Variants in GRAMD1C observed in about 807,000 individuals in gnomAD.
GRAMD1C encodes the protein GRAM domain containing 1C.
In GRAMD1C, 89 loss-of-function variants were observed where a neutral mutation model predicts 97.8. That is an observed-to-expected ratio of 0.91 (90% CI 0.77 to 1.09). GRAMD1C has a LOEUF of 1.09. Among genes scored for constraint, GRAMD1C ranks in the 50% least tolerant of loss-of-function variants. GRAMD1C has a pLI of 0.00. For synonymous variants in GRAMD1C, 256 were observed against 267.0 expected, an observed-to-expected ratio of 0.96 and a Z score of 0.40; for missense variants, 740 against 766.4, an observed-to-expected ratio of 0.97 and a Z score of 0.41.
At position 113,838,840 on chromosome 3, in the gene GRAMD1C, C is replaced by T; in HGVS notation, c.-70C>T. On this transcript the variant is annotated 5_prime_UTR_variant, in exon 1 of 18. Transcript: ENST00000358160. ...CGGAGCCTGTAACTCGCAGCGCGCG[C>T]TGGAGGTGGGCGCGGGGCGGTGCGG... is the stretch of plus-strand genomic sequence containing the variant. 8.7e-7 allele frequency: 1 copy of T among 1,152,774 alleles called. No individual in the cohort carries two copies. The highest frequency in any genetic ancestry group is 1.1e-6 in the Non-Finnish European group (1 of 917,516). The allele number at this position is 1,152,774 out of a possible 1,614,324, so 71.4% of individuals were successfully genotyped here. A position where few individuals can be genotyped will look rare whatever the true frequency, so the allele number is the denominator to read the frequency against.
At chr3:113,841,905 C>T (rs181618365) in intron 1 of GRAMD1C, among the ~76,000 whole-genome samples, 15 of 152,242 alleles carry the variant, frequency 9.9e-5, no homozygotes, top group Admixed American at 6.5e-4. Context: ...CTGTATTGCC[C>T]AGCTTGTTCT....
At chr3:113,859,249 A>G (rs981365001) in intron 2 of GRAMD1C, among the ~76,000 whole-genome samples, 1 of 152,134 alleles carries the variant, frequency 6.6e-6, no homozygotes, top group African/African-American at 2.4e-5. Flanking sequence ...TGTGTCCCAC[A>G]AATTTTGATA....
rs201444339 is a variant in GRAMD1C, at chr3:113,886,624, G to GA, written c.540+3801dup. ...CTTTTAAACCACACATTATAACTTTGAAAAAAAAATAAATTAGAAAAAGGA... is the reference window on the plus strand; with the variant it reads ...CTTTTAAACCACACATTATAACTTTGAAAAAAAAAATAAATTAGAAAAAGGA... On this transcript the variant is annotated intron_variant, in intron 6 of 17. Transcript: ENST00000358160. 5.1e-3 allele frequency among the ~76,000 whole-genome samples: 739 copies of GA among 143,926 alleles called. 7 individuals are homozygous for GA. Among genetic ancestry groups the GA allele is most frequent in the East Asian group, 0.026 (130 of 5,006 alleles). The allele number at this position is 143,926 out of a possible 152,430, so 94.4% of individuals were successfully genotyped here.
intron 2 of GRAMD1C, among the ~76,000 whole-genome samples, chr3:113,864,668 G>T (rs986004494): frequency 6.6e-6 from 1 of 152,118 alleles, no homozygotes; most frequent in East Asian, 1.9e-4. Flanking sequence ...TTCCATCAGA[G>T]ACCTCTTCAG....
intron 1 of GRAMD1C, among the ~76,000 whole-genome samples, chr3:113,843,802 C>T (rs1353686415): frequency 2.0e-5 from 3 of 152,184 alleles, no homozygotes; most frequent in Non-Finnish European, 1.5e-5. Flanking sequence ...TTGTATAAAT[C>T]AGAGCTTATT....
chr3:113,862,074 T>C (rs752220553), intron 2 of GRAMD1C, among the ~76,000 whole-genome samples: 7 of 152,084 alleles, frequency 4.6e-5, no homozygotes, highest in Non-Finnish European at 1.0e-4. Context: ...ACAAGGCAAA[T>C]GGAGGCAGGG....
At chr3:113,849,517 A>C (rs917917935) in intron 2 of GRAMD1C, among the ~76,000 whole-genome samples, 8 of 151,658 alleles carry the variant, frequency 5.3e-5, no homozygotes, top group African/African-American at 1.2e-4. Context: ...TGCTGCCTTC[A>C]AGCATCTGTT....
intron 10 of GRAMD1C, among the ~76,000 whole-genome samples, chr3:113,924,700 T>G (rs1174579006): frequency 6.6e-6 from 1 of 152,202 alleles, no homozygotes; most frequent in African/African-American, 2.4e-5. Flanking sequence ...TGTGGTCGAT[T>G]TTTAGAGTAT....
intron 2 of GRAMD1C, among the ~76,000 whole-genome samples, chr3:113,849,994 G>A (rs7625830): frequency 0.5 from 72,360 of 144,992 alleles, 18,477 homozygotes; most frequent in Middle Eastern, 0.67. Flanking sequence ...CCTCCCTCCC[G>A]GACGGGGTGG....
chr3:113,944,427 T>C (rs1182722442), intron 17 of GRAMD1C, among the ~76,000 whole-genome samples: 1 of 152,220 alleles, frequency 6.6e-6, no homozygotes. Flanking sequence ...TCCGTATCTC[T>C]CACCTCGACC....
chr3:113,838,465 G>C (rs1024366351), upstream of GRAMD1C: 16 of 157,064 alleles, frequency 1.0e-4, no homozygotes, highest in Non-Finnish European at 2.2e-4. Context: ...ACAGCTACTC[G>C]GGAGGCTGAG....
chr3:113,938,158 T>G lies in GRAMD1C; in HGVS notation c.1691+15T>G. ...ATGAGTATTTTGTAAGTATTTGTTG[T>G]GAATGCTTATTTTGCTTGTTTCAGC... is the stretch of plus-strand genomic sequence containing the variant. On this transcript the variant is annotated intron_variant, in intron 15 of 17. Coordinates refer to ENST00000358160, the MANE Select transcript of GRAMD1C (RefSeq NM_017577.5). 2 of 1,284,048 alleles carry G rather than the reference T, an allele frequency of 1.6e-6. No homozygotes were observed. Among genetic ancestry groups the G allele is most frequent in the Non-Finnish European group, 2.2e-6 (2 of 912,322 alleles). 79.5% of individuals were successfully genotyped at this position (1,284,048 alleles called of 1,614,324 possible). A position where few individuals can be genotyped will look rare whatever the true frequency, so the allele number is the denominator to read the frequency against.
At chr3:113,863,554 G>T (rs898979049) in intron 2 of GRAMD1C, among the ~76,000 whole-genome samples, 2 of 152,194 alleles carry the variant, frequency 1.3e-5, no homozygotes, top group Non-Finnish European at 2.9e-5. Flanking sequence ...TAGTGGTGAT[G>T]ATTGCACAGT....
At chr3:113,939,754 G>T (rs567194003) in intron 15 of GRAMD1C, 132 bp from the exon 16 acceptor site, 2 of 555,562 alleles carry the variant, frequency 3.6e-6, no homozygotes, top group South Asian at 2.5e-5. Flanking sequence ...AGGGATAATT[G>T]ATTTAAATAA....
At chr3:113,890,827 T>C in intron 6 of GRAMD1C, 1 of 678,526 alleles carries the variant, frequency 1.5e-6, no homozygotes, top group Non-Finnish European at 2.7e-6. Flanking sequence ...GGTTTACAGA[T>C]GAGCCAAGGG....
chr3:113,849,413 CT>C (rs1388496630), intron 2 of GRAMD1C, among the ~76,000 whole-genome samples: 1 of 151,712 alleles, frequency 6.6e-6, no homozygotes, highest in East Asian at 1.9e-4. Flanking sequence ...ACAAAGGTCT[CT>C]GGTTTTCCTA....
intron 17 of GRAMD1C, 75 bp from the exon 18 acceptor site, chr3:113,945,323 T>G: frequency 4.8e-6 from 4 of 831,002 alleles, no homozygotes; most frequent in Admixed American, 4.2e-5. Flanking sequence ...CTGTAAATTT[T>G]GGGCATAAAA....
chr3:113,890,679 C>T (rs1935687519), intron 6 of GRAMD1C: 4 of 680,038 alleles, frequency 5.9e-6, no homozygotes, highest in Non-Finnish European at 1.1e-5. Flanking sequence ...TAGCAAGGCA[C>T]CAGCGACATC....
At chr3:113,832,321 C>A (rs1447333572) in intron 1 of GRAMD1C, among the ~76,000 whole-genome samples, 2 of 152,104 alleles carry the variant, frequency 1.3e-5, no homozygotes, top group Non-Finnish European at 2.9e-5. Flanking sequence ...AGCCACTGTG[C>A]CTGGCATAAT....
Sources: allele counts gnomAD v4.1 joint callset (sites outside exome capture counted in the v4.1 genomes callset), GRCh38; gene constraint gnomAD v4.1.1; transcripts MANE v1.5; gene names NCBI Gene and HGNC (gene_info 2026-07-23, HGNC 2026-07-21).